The following HMBOX1 variants were observed in gnomAD, a reference collection of about 807,000 sequenced individuals.
The protein encoded by HMBOX1 is homeobox containing 1.
In HMBOX1, 14 loss-of-function variants were observed where a neutral mutation model predicts 54.5. That is an observed-to-expected ratio of 0.26 (90% confidence interval 0.17 to 0.40). The LOEUF (loss-of-function observed/expected upper bound fraction) is 0.40. HMBOX1 is among the 10% of genes least tolerant of loss of function. The pLI is 1.00. For synonymous variants in HMBOX1, 160 were observed against 181.0 expected, an observed-to-expected ratio of 0.88 and a Z score of 0.93; for missense variants, 332 against 514.4, an observed-to-expected ratio of 0.65 and a Z score of 3.43.
rs1328739555 is a variant in HMBOX1, at chr8:29,050,734, A to G, written c.1126-284A>G. On this transcript the variant is annotated intron_variant, in intron 9 of 9. Transcript: ENST00000287701. Reference sequence around the variant, plus strand: ...TTTTATATCAATCACTGCAGGTTTGATCATCATCACCAGCAATCTTATTAA... The same window carrying G: ...TTTTATATCAATCACTGCAGGTTTGGTCATCATCACCAGCAATCTTATTAA... The G allele has an allele frequency of 1.0e-5, 4 of 399,198 alleles. No individual in the cohort carries two copies. The Admixed American group carries it at 1.3e-4, about 13-fold the overall frequency. The allele number at this position is 399,198 out of a possible 1,614,324, so 24.7% of individuals were successfully genotyped here. A position where few individuals can be genotyped will look rare whatever the true frequency, so the allele number is the denominator to read the frequency against.
At chr8:29,043,660 G>A (rs1368722429) in intron 6 of HMBOX1, among the ~76,000 whole-genome samples, 1 of 152,170 alleles carries the variant, frequency 6.6e-6, no homozygotes, top group Non-Finnish European at 1.5e-5. Flanking sequence ...TGGAAATCTT[G>A]TTAAAATTCA....
chr8:28,929,277 A>G (rs1200603684), intron 1 of HMBOX1, among the ~76,000 whole-genome samples: 1 of 152,196 alleles, frequency 6.6e-6, no homozygotes, highest in Non-Finnish European at 1.5e-5. Context: ...GAGCAGTGAA[A>G]GCATATGAAG....
intron 5 of HMBOX1, among the ~76,000 whole-genome samples, chr8:29,018,010 G>A (rs1435896004): frequency 6.6e-6 from 1 of 152,150 alleles, no homozygotes; most frequent in Non-Finnish European, 1.5e-5. Context: ...TTAGAAGACC[G>A]ATATGATCAT....
At chr8:29,021,803 T>C (rs1251557899) in intron 6 of HMBOX1, among the ~76,000 whole-genome samples, 3 of 145,732 alleles carry the variant, frequency 2.1e-5, no homozygotes, top group African/African-American at 7.7e-5. Flanking sequence ...GAGCTTGCGG[T>C]GAGCCGAGAT....
chr8:29,044,834 A>G (rs573455787), intron 6 of HMBOX1, among the ~76,000 whole-genome samples: 23 of 152,208 alleles, frequency 1.5e-4, no homozygotes, highest in Admixed American at 5.2e-4. Context: ...ATAGCTACAT[A>G]TAAGTATAGA....
chr8:28,960,032 A>G (rs957508357), intron 1 of HMBOX1, among the ~76,000 whole-genome samples: 2 of 151,074 alleles, frequency 1.3e-5, no homozygotes, highest in African/African-American at 2.4e-5. Flanking sequence ...TCTCTTTATT[A>G]GACTTTCTGT....
At chr8:29,018,698 A>G in intron 5 of HMBOX1, 62 bp from the exon 6 acceptor site, 1 of 1,521,790 alleles carries the variant, frequency 6.6e-7, no homozygotes, top group Non-Finnish European at 9.0e-7. Flanking sequence ...CATAGGAAGT[A>G]GATGTTATAT....
intron 2 of HMBOX1, among the ~76,000 whole-genome samples, chr8:28,967,121 T>A (rs767760294): frequency 3.3e-5 from 5 of 152,158 alleles, no homozygotes; most frequent in Non-Finnish European, 7.4e-5. Context: ...CTGAACACAG[T>A]TATGGTGACT....
chr8:29,009,046 C>G (rs1210291886), intron 4 of HMBOX1, 26 bp from the exon 5 acceptor site: 1 of 1,559,852 alleles, frequency 6.4e-7, no homozygotes, highest in Non-Finnish European at 8.8e-7. Context: ...CAGTGCCCCC[C>G]AAAACCTATT....
Position 28,970,267 on chromosome 8 carries a change from C to T in HMBOX1, c.248C>T (p.Ser83Phe), listed in dbSNP as rs778794699. ...AGTACTAACAATGTCCCAGCATCTT[C>T]CTCTACAGCTACAGCTTCCACACAG... ...GNSTNNVPAS[S>F]STATASTQTQ... Residue 83 changes from serine (S) to phenylalanine (F), a missense_variant, in exon 3 of 10, where the codon TCC (serine) becomes TTC (phenylalanine). Around this residue, in one of 4 missense-constraint regions of HMBOX1, gnomAD observed 146 missense variants for 173.3 expected, o/e 0.84. Coordinates refer to ENST00000287701, the MANE Select transcript of HMBOX1 (RefSeq NM_001135726.3). The surrounding 1 kb of genome is among the most constrained non-coding windows in gnomAD (Gnocchi z 4.3). The T allele has an allele frequency of 1.2e-6, 2 of 1,614,180 alleles. No individual in the cohort carries two copies. Among genetic ancestry groups the T allele is most frequent in the South Asian group, 1.1e-5 (1 of 91,080 alleles).
intron 1 of HMBOX1, among the ~76,000 whole-genome samples, chr8:28,939,993 C>A (rs1359449860): frequency 2.0e-5 from 3 of 151,962 alleles, no homozygotes; most frequent in Admixed American, 6.6e-5. Flanking sequence ...CCCTTCAGAT[C>A]TGAGCTTTAT....
intron 4 of HMBOX1, among the ~76,000 whole-genome samples, chr8:29,002,808 T>C (rs997275154): frequency 1.3e-5 from 2 of 152,198 alleles, no homozygotes; most frequent in Admixed American, 1.3e-4. Context: ...CTTCTACCTG[T>C]CCTGTGTGTA....
intron 1 of HMBOX1, among the ~76,000 whole-genome samples, chr8:28,915,214 A>G (rs1267173934): frequency 6.6e-6 from 1 of 152,194 alleles, no homozygotes; most frequent in African/African-American, 2.4e-5. Context: ...TATTCTAGTT[A>G]CTACATTTTA....
Position 29,053,009 on chromosome 8 carries a change from C to A in HMBOX1, c.*1854C>A, listed in dbSNP as rs1247426643. The A allele has an allele frequency of 1.3e-5, 2 of 152,476 alleles. No homozygotes were observed. The highest frequency in any genetic ancestry group is 2.9e-5 in the Non-Finnish European group (2 of 68,058). The allele number at this position is 152,476 out of a possible 1,614,324, so 9.4% of individuals were successfully genotyped here. On this transcript the variant is annotated 3_prime_UTR_variant, in exon 10 of 10. Coordinates refer to ENST00000287701, the MANE Select transcript of HMBOX1 (RefSeq NM_001135726.3). ...AGACTGAATGACCTTCCTCAGTTTT[C>A]CCTTTCTCATTCAGGAGATACTGAA...
rs1825995219 is a variant in HMBOX1 at position 28,963,811 on chromosome 8, A to T, written c.-57A>T. 5 of 1,404,904 alleles carry T rather than the reference A, an allele frequency of 3.6e-6. No individual in the cohort carries two copies. The East Asian group carries it at 1.2e-4, about 33-fold the overall frequency. 87.0% of individuals were successfully genotyped at this position (1,404,904 alleles called of 1,614,324 possible). ...TCAATTTTCTATCTTTGTTCTACAG[A>T]ATGGTAGATAACGCAGATCATCTCT... On this transcript the variant is annotated splice_region_variant and 5_prime_UTR_variant, in exon 2 of 10. Coordinates refer to ENST00000287701, the MANE Select transcript of HMBOX1 (RefSeq NM_001135726.3).
chr8:28,944,546 G>A (rs1312143283), intron 1 of HMBOX1, among the ~76,000 whole-genome samples: 3 of 152,184 alleles, frequency 2.0e-5, no homozygotes, highest in Admixed American at 6.5e-5. Flanking sequence ...AATAACTTGA[G>A]CTAAAGTCTC....
At chr8:29,050,001 A>C (rs188182070) in intron 9 of HMBOX1, among the ~76,000 whole-genome samples, 1 of 152,352 alleles carries the variant, frequency 6.6e-6, no homozygotes, top group East Asian at 1.9e-4. Flanking sequence ...GAAGGAAACA[A>C]TGATGTCCAC....
intron 1 of HMBOX1, among the ~76,000 whole-genome samples, chr8:28,930,066 G>A (rs1819221916): frequency 6.6e-6 from 1 of 151,946 alleles, no homozygotes; most frequent in Non-Finnish European, 1.5e-5. Context: ...CTCTTGGTTA[G>A]GGTGATGGTG....
rs80206972 is a variant in HMBOX1 at position 29,021,699 on chromosome 8, GA to G, written c.851+2797del. ...TGAAACCCTGTCTCTACGAAAAATAGAAAAAAAAAAATTAGCCGGGCGTGGT... is the reference window on the plus strand; with the variant it reads ...TGAAACCCTGTCTCTACGAAAAATAGAAAAAAAAAATTAGCCGGGCGTGGT... On this transcript the variant is annotated intron_variant, in intron 6 of 9. Coordinates refer to ENST00000287701, the MANE Select transcript of HMBOX1 (RefSeq NM_001135726.3). 3.3e-3 allele frequency among the ~76,000 whole-genome samples: 483 copies of G among 145,524 alleles called. 1 individual carries two copies. Among genetic ancestry groups the G allele is most frequent in the African/African-American group, 0.011 (440 of 39,906 alleles).
Sources: gnomAD v4.1 joint callset for allele counts (sites outside exome capture counted in the v4.1 genomes callset) on GRCh38, gnomAD v4.1.1 for gene constraint, gnomAD v4.1.1 regional missense constraint, Gnocchi (gnomAD v3.1) non-coding constraint, MANE v1.5 for transcripts, NCBI Gene and HGNC (gene_info 2026-07-23, HGNC 2026-07-21) for gene names.